DAPP1: variants seen among roughly 807,000 people sequenced by gnomAD.
DAPP1 encodes dual adaptor of phosphotyrosine and 3-phosphoinositides 1.
Under a neutral mutation model 41.5 loss-of-function variants are expected in DAPP1, and 20 were observed. The observed-to-expected ratio is 0.48, with a 90% CI of 0.34 to 0.70. The LOEUF (loss-of-function observed/expected upper bound fraction) is 0.70. Ranked by LOEUF, DAPP1 falls within the 30% of genes least tolerant of loss-of-function variation. The pLI, the probability that DAPP1 is intolerant of heterozygous loss-of-function variation, is 0.01. For missense variants in DAPP1, 233 were observed against 333.4 expected (o/e 0.70, Z 2.35); for synonymous variants, 113 against 116.2 (o/e 0.97, Z 0.18).
rs145558849 is a variant in DAPP1, at chr4:99,846,033, T to C, written c.358+5611T>C. 6.7e-3 allele frequency among the ~76,000 whole-genome samples: 1,018 copies of C among 152,304 alleles called. 9 individuals carry two copies. The highest frequency in any genetic ancestry group is 0.014 in the Middle Eastern group (4 of 294). ...GTTTTTTTCCCCTTATTTGGGCCTG[T>C]ATGCTTAGTTAGATTTACAGGATGT... On this transcript the variant is annotated intron_variant, in intron 3 of 8. Transcript: ENST00000512369.
intron 4 of DAPP1, among the ~76,000 whole-genome samples, chr4:99,854,877 G>C (rs1478890671): frequency 3.9e-5 from 6 of 152,054 alleles, no homozygotes; most frequent in Non-Finnish European, 7.3e-5. Flanking sequence ...ACATCTCTCT[G>C]CCCTCCCCAC....
intron 2 of DAPP1, among the ~76,000 whole-genome samples, chr4:99,837,699 C>T (rs954257337): frequency 2.0e-5 from 3 of 152,130 alleles, no homozygotes; most frequent in African/African-American, 4.8e-5. Flanking sequence ...ACCGGAGCAG[C>T]GGCAGATGGT....
At position 99,859,960 on chromosome 4, in the gene DAPP1, A is replaced by G. The variant is rs889630855; in HGVS notation, c.490-1618A>G. 3.3e-5 allele frequency among the ~76,000 whole-genome samples: 5 copies of G among 152,154 alleles called. 1 individual carries two copies. The highest frequency in any genetic ancestry group is 1.3e-4 in the Admixed American group (2 of 15,284). ...GTGCTTGAAAGCCCTCCACACACAC[A>G]TCAATGCCTGCCTTGCTTCACCTGA... On this transcript the variant is annotated intron_variant, in intron 4 of 8. Transcript: ENST00000512369.
intron 8 of DAPP1, 51 bp from the exon 9 acceptor site, chr4:99,868,066 G>C: frequency 6.8e-7 from 1 of 1,476,510 alleles, no homozygotes; most frequent in Admixed American, 1.7e-5. Flanking sequence ...AGAAGCCAGG[G>C]TTCATTACAA....
chr4:99,834,472 C>T (rs909469532), intron 1 of DAPP1, among the ~76,000 whole-genome samples: 1 of 152,114 alleles, frequency 6.6e-6, no homozygotes, highest in African/African-American at 2.4e-5. Flanking sequence ...CATTCCCTAG[C>T]TCTTCAGATA....
intron 3 of DAPP1, among the ~76,000 whole-genome samples, chr4:99,849,066 C>T (rs769259444): frequency 6.6e-6 from 1 of 152,070 alleles, no homozygotes; most frequent in African/African-American, 2.4e-5. Context: ...TATAAGTTGC[C>T]GTTTTATAAG....
chr4:99,841,619 A>G (rs535146431), intron 3 of DAPP1, among the ~76,000 whole-genome samples: 1 of 152,218 alleles, frequency 6.6e-6, no homozygotes, highest in Admixed American at 6.5e-5. Context: ...CAGTTTCTCA[A>G]ATCCCTACAC....
intron 1 of DAPP1, among the ~76,000 whole-genome samples, chr4:99,825,226 C>T (rs942100931): frequency 1.3e-5 from 2 of 152,106 alleles, no homozygotes; most frequent in African/African-American, 2.4e-5. Flanking sequence ...TCTTTCTATC[C>T]GTCTGTCTGC....
At chr4:99,866,766 A>ATTTTTTTTTTTTT (rs11315402) in intron 8 of DAPP1, 2 of 343,172 alleles carry the variant, frequency 5.8e-6, no homozygotes, top group African/African-American at 3.0e-5. Flanking sequence ...CTTTTTTTCT[A>ATTTTTTTTTTTTT]TTTTTTTTTT....
At chr4:99,837,385 A>AGTGG (rs1723337965) in intron 2 of DAPP1, among the ~76,000 whole-genome samples, 1 of 152,290 alleles carries the variant, frequency 6.6e-6, no homozygotes, top group East Asian at 1.9e-4. Flanking sequence ...GCCTACTTGA[A>AGTGG]GTGGGTGGGT....
intron 1 of DAPP1, among the ~76,000 whole-genome samples, chr4:99,820,535 AG>A (rs1722737661): frequency 6.6e-6 from 1 of 152,258 alleles, no homozygotes; most frequent in African/African-American, 2.4e-5. Flanking sequence ...TCAAATCGAA[AG>A]TTGTATAAGA....
intron 2 of DAPP1, among the ~76,000 whole-genome samples, chr4:99,837,707 G>A (rs1172101317): frequency 6.6e-6 from 1 of 152,080 alleles, no homozygotes; most frequent in African/African-American, 2.4e-5. Flanking sequence ...AGCGGCAGAT[G>A]GTTTTGGGAT....
intron 2 of DAPP1, among the ~76,000 whole-genome samples, chr4:99,838,050 A>G (rs2110145143): frequency 6.6e-6 from 1 of 152,326 alleles, no homozygotes; most frequent in Admixed American, 6.5e-5. Flanking sequence ...ATAAATAAAA[A>G]TGAGCTTCGC....
intron 4 of DAPP1, among the ~76,000 whole-genome samples, 163 bp downstream of exon 4, chr4:99,853,511 T>C (rs769808076): frequency 2.0e-5 from 3 of 152,214 alleles, no homozygotes; most frequent in Non-Finnish European, 4.4e-5. Context: ...GTTCATCTGG[T>C]CCTGGGTAGA....
At chr4:99,853,700 T>C (rs1423719853) in intron 4 of DAPP1, among the ~76,000 whole-genome samples, 1 of 152,154 alleles carries the variant, frequency 6.6e-6, no homozygotes, top group Non-Finnish European at 1.5e-5. Flanking sequence ...GCACCTGTAG[T>C]CCCAGCTACT....
intron 7 of DAPP1, chr4:99,865,745 T>A (rs946143759): frequency 1.3e-5 from 2 of 151,200 alleles, no homozygotes; most frequent in African/African-American, 4.9e-5. Context: ...AGTATATACA[T>A]CTGACTTGGA....
intron 7 of DAPP1, 181 bp downstream of exon 7, chr4:99,864,036 A>G (rs1406044019): frequency 4.0e-6 from 2 of 503,740 alleles, no homozygotes; most frequent in Non-Finnish European, 7.0e-6. Flanking sequence ...TAGCTTAAAC[A>G]AACAGGCAGG....
intron 3 of DAPP1, among the ~76,000 whole-genome samples, chr4:99,847,799 AGTTTGTTTGTTT>A (rs58645759): frequency 6.6e-6 from 1 of 150,836 alleles, no homozygotes; most frequent in African/African-American, 2.4e-5. Context: ...ACAGTAGATA[AGTTTGTTTGTTT>A]GTTTGTTTGT....
chr4:99,847,776 G>A (rs1723714759), intron 3 of DAPP1, among the ~76,000 whole-genome samples: 1 of 151,378 alleles, frequency 6.6e-6, no homozygotes, highest in South Asian at 2.1e-4. Context: ...AGTATTAAGA[G>A]TCTGTGGTAG....
Sources: allele counts gnomAD v4.1 joint callset (sites outside exome capture counted in the v4.1 genomes callset), GRCh38; gene constraint gnomAD v4.1.1; transcripts MANE v1.5; gene names NCBI Gene and HGNC (gene_info 2026-07-23, HGNC 2026-07-21).